ST3GAL3: variants seen among roughly 807,000 people sequenced by gnomAD.
ST3GAL3 encodes the protein CMP-N-acetylneuraminate-beta-1,4-galactoside alpha-2,3-sialyltransferase.
Under a neutral mutation model 50.1 loss-of-function variants are expected in ST3GAL3, and 21 were observed. The observed-to-expected ratio is 0.42, with a 90% CI of 0.30 to 0.60. The LOEUF is 0.60. Among genes scored for constraint, ST3GAL3 ranks in the 20% least tolerant of loss-of-function variants. ST3GAL3 has a pLI of 0.19. For missense variants in ST3GAL3, 353 were observed against 489.4 expected (o/e 0.72, Z 2.63); for synonymous variants, 183 against 190.0 (o/e 0.96, Z 0.30).
At chr1:43,753,991 A>G (rs1383017300) in intron 2 of ST3GAL3, among the ~76,000 whole-genome samples, 2 of 152,202 alleles carry the variant, frequency 1.3e-5, no homozygotes, top group Non-Finnish European at 2.9e-5. Context: ...ACGTCAGTTC[A>G]TTAGAGAAAT....
At chr1:43,773,177 A>T (rs1695957966) in intron 2 of ST3GAL3, among the ~76,000 whole-genome samples, 1 of 152,236 alleles carries the variant, frequency 6.6e-6, no homozygotes, top group South Asian at 2.1e-4. Flanking sequence ...AACTGTAGTT[A>T]ATTAATGCCT....
chr1:43,917,475 T>TATATAATATATATA (rs1354159933), intron 9 of ST3GAL3, among the ~76,000 whole-genome samples: 5 of 79,746 alleles, frequency 6.3e-5, no homozygotes, highest in African/African-American at 2.5e-4. Flanking sequence ...TAATATATAA[T>TATATAATATATATA]ATATATAATA....
chr1:43,778,597 A>G (rs376425520), intron 2 of ST3GAL3, among the ~76,000 whole-genome samples: 2 of 151,982 alleles, frequency 1.3e-5, no homozygotes, highest in South Asian at 2.1e-4. Context: ...AAGATATTCA[A>G]TAGGATATGA....
chr1:43,920,472 C>A lies in ST3GAL3; in HGVS notation c.813C>A (p.Ile271=). ...CCAAGGAGCCCCCTGAGATTCGAAT[C>A]CTCAACCCATATTTCATCCAGGAGG... ...RVPKEPPEIR[I]LNPYFIQEAA... is the part of the protein sequence containing the mutation. The change falls in exon 10 of 12, where the codon ATC becomes ATA. Residue 271 remains isoleucine (I), a synonymous_variant. Transcript: ENST00000347631. The A allele has an allele frequency of 6.2e-7, 1 of 1,614,194 alleles. No homozygotes were observed. The highest frequency in any genetic ancestry group is 8.5e-7 in the Non-Finnish European group (1 of 1,180,036).
intron 2 of ST3GAL3, among the ~76,000 whole-genome samples, chr1:43,755,266 A>G (rs1687624135): frequency 6.6e-6 from 1 of 152,236 alleles, no homozygotes; most frequent in Non-Finnish European, 1.5e-5. Context: ...AGAGATAGTC[A>G]AACTCATGGG....
intron 2 of ST3GAL3, among the ~76,000 whole-genome samples, chr1:43,755,613 A>G (rs1217516987): frequency 6.6e-6 from 1 of 152,188 alleles, no homozygotes; most frequent in Non-Finnish European, 1.5e-5. Flanking sequence ...TAGGGTATTT[A>G]TATCATCAAA....
At chr1:43,820,005 G>A (rs2061886471) in intron 4 of ST3GAL3, among the ~76,000 whole-genome samples, 2 of 152,138 alleles carry the variant, frequency 1.3e-5, no homozygotes, top group South Asian at 4.1e-4. Flanking sequence ...AATAGCCAAA[G>A]CAATTCTAAG....
At chr1:43,856,949 T>A (rs1014609412) in intron 5 of ST3GAL3, among the ~76,000 whole-genome samples, 6 of 152,182 alleles carry the variant, frequency 3.9e-5, no homozygotes, top group Non-Finnish European at 7.4e-5. Flanking sequence ...TGGGATTTTT[T>A]TTTTTTAGAT....
chr1:43,754,212 C>T (rs537621711), intron 2 of ST3GAL3, among the ~76,000 whole-genome samples: 26 of 152,218 alleles, frequency 1.7e-4, no homozygotes, highest in Middle Eastern at 3.4e-3. Flanking sequence ...CTTTTTGAGA[C>T]GGAATCTTGC....
chr1:43,805,105 G>A (rs1444710187), intron 3 of ST3GAL3, among the ~76,000 whole-genome samples: 2 of 152,120 alleles, frequency 1.3e-5, no homozygotes, highest in Non-Finnish European at 2.9e-5. Flanking sequence ...AACTGACTGG[G>A]GATAACTGTT....
At chr1:43,902,673 G>A (rs1013621700) in intron 9 of ST3GAL3, among the ~76,000 whole-genome samples, 3 of 152,238 alleles carry the variant, frequency 2.0e-5, no homozygotes, top group Non-Finnish European at 4.4e-5. Context: ...GCTCAGAAGA[G>A]CACCAGCGGA....
At chr1:43,860,739 T>C (rs1169951646) in intron 5 of ST3GAL3, among the ~76,000 whole-genome samples, 5 of 152,206 alleles carry the variant, frequency 3.3e-5, no homozygotes, top group Non-Finnish European at 7.3e-5. Context: ...CCTGGAGTGC[T>C]AGATGCAGAA....
In ST3GAL3 at chr1:43,930,319, C is replaced by T; in HGVS notation, c.*98C>T. Reference sequence around the variant, plus strand: ...CTTCAGACCCAGAGAAGGACGGTGCCAAGGGCCCCAGGGGCAGCAAGGCCT... The same window carrying T: ...CTTCAGACCCAGAGAAGGACGGTGCTAAGGGCCCCAGGGGCAGCAAGGCCT... On this transcript the variant is annotated 3_prime_UTR_variant, in exon 12 of 12. Coordinates refer to ENST00000347631, the MANE Select transcript of ST3GAL3 (RefSeq NM_006279.5). 8.1e-7 allele frequency: 1 copy of T among 1,228,190 alleles called. No homozygotes were observed. Among genetic ancestry groups the T allele is most frequent in the Non-Finnish European group, 1.2e-6 (1 of 838,894 alleles). 76.1% of individuals were successfully genotyped at this position (1,228,190 alleles called of 1,614,324 possible). A position where few individuals can be genotyped will look rare whatever the true frequency, so the allele number is the denominator to read the frequency against.
intron 2 of ST3GAL3, among the ~76,000 whole-genome samples, chr1:43,753,659 A>G (rs749426192): frequency 3.3e-5 from 5 of 152,312 alleles, no homozygotes; most frequent in African/African-American, 1.2e-4. Flanking sequence ...ACTGTAATCT[A>G]TTCTAGACTG....
At chr1:43,828,672 A>G (rs770272431) in intron 4 of ST3GAL3, among the ~76,000 whole-genome samples, 10 of 152,254 alleles carry the variant, frequency 6.6e-5, no homozygotes, top group Admixed American at 5.2e-4. Context: ...ATTATATGTC[A>G]TTAAGGAAAT....
chr1:43,764,553 A>G (rs1456630159), intron 2 of ST3GAL3, among the ~76,000 whole-genome samples: 1 of 152,176 alleles, frequency 6.6e-6, no homozygotes, highest in African/African-American at 2.4e-5. Context: ...AAGAAAGGAA[A>G]TGAGGAAGAA....
At chr1:43,913,821 C>T (rs2248305) in intron 9 of ST3GAL3, 14,556 of 152,190 alleles carry the variant, frequency 0.096, 913 homozygotes, top group South Asian at 0.22. Context: ...GACTCTCAGC[C>T]GCTGCTGGCC....
At chr1:43,801,420 A>G (rs1193140479) in intron 3 of ST3GAL3, 1 of 455,650 alleles carries the variant, frequency 2.2e-6, no homozygotes, top group African/African-American at 2.0e-5. Flanking sequence ...TCTGGGGCTC[A>G]GTAGCCTGAA....
At chr1:43,917,696 TCTCA>T (rs2082307608) in intron 9 of ST3GAL3, among the ~76,000 whole-genome samples, 4 of 122,336 alleles carry the variant, frequency 3.3e-5, no homozygotes, top group South Asian at 2.3e-4. Flanking sequence ...TTAAACAGAG[TCTCA>T]CTCTGTCATT....
Sources: allele counts gnomAD v4.1 joint callset (sites outside exome capture counted in the v4.1 genomes callset), GRCh38; gene constraint gnomAD v4.1.1; transcripts MANE v1.5; gene names NCBI Gene and HGNC (gene_info 2026-07-23, HGNC 2026-07-21).